Variants in ANKRD30B observed in about 807,000 individuals in gnomAD.
The protein encoded by ANKRD30B is ankyrin repeat domain 30B, also known as ankyrin repeat domain-containing protein 30B.
ANKRD30B carries 144 observed loss-of-function variants against 202.2 expected under a neutral mutation model. The observed-to-expected ratio is 0.71, with a 90% confidence interval of 0.62 to 0.82. ANKRD30B has a LOEUF of 0.82. Among genes scored for constraint, ANKRD30B ranks in the 40% least tolerant of loss-of-function variants. ANKRD30B has a pLI of 0.00. For synonymous variants in ANKRD30B, 508 were observed against 561.3 expected, an observed-to-expected ratio of 0.91 and a Z score of 1.34; for missense variants, 1,487 against 1,669.1, an observed-to-expected ratio of 0.89 and a Z score of 1.90.
chr18:14,787,564 T>A (rs1440960531), intron 15 of ANKRD30B, among the ~76,000 whole-genome samples: 1 of 152,186 alleles, frequency 6.6e-6, no homozygotes, highest in African/African-American at 2.4e-5. Context: ...CATATCTTTA[T>A]TGTTCAGTAT....
intron 33 of ANKRD30B, among the ~76,000 whole-genome samples, chr18:14,829,058 C>A (rs1649997951): frequency 6.6e-6 from 1 of 152,006 alleles, no homozygotes; most frequent in Non-Finnish European, 1.5e-5. Flanking sequence ...AGAGTCTTTT[C>A]TCTTCTTTCA....
chr18:14,764,938 G>C (rs531161715), intron 7 of ANKRD30B, among the ~76,000 whole-genome samples: 1 of 152,240 alleles, frequency 6.6e-6, no homozygotes, highest in East Asian at 1.9e-4. Context: ...TTCTATTTTT[G>C]AGATGGAATG....
chr18:14,761,707 T>C (rs1455094838), intron 6 of ANKRD30B, among the ~76,000 whole-genome samples: 1 of 152,108 alleles, frequency 6.6e-6, no homozygotes, highest in Non-Finnish European at 1.5e-5. Context: ...TGAAGAAACA[T>C]GGTTTTATTT....
rs1968144041 is a variant in ANKRD30B at position 14,787,163 on chromosome 18, A to T, written c.1734+63A>T. The T allele has an allele frequency of 2.8e-6, 4 of 1,440,142 alleles. No homozygotes were observed. In the South Asian group the frequency reaches 3.7e-5, roughly 13 times the overall value. The allele number at this position is 1,440,142 out of a possible 1,614,324, so 89.2% of individuals were successfully genotyped here. On this transcript the variant is annotated intron_variant, in intron 15 of 43. Coordinates refer to ENST00000690538, the MANE Select transcript of ANKRD30B (RefSeq NM_001367607.2). The stretch of plus-strand genomic sequence containing the variant: ...GCATGAGATGAAAACATAAAATCAG[A>T]TGCTTAGACTTTATTTTCTCACCTC...
chr18:14,797,503 A>G (rs551312784), intron 18 of ANKRD30B, among the ~76,000 whole-genome samples, 158 bp from the exon 19 acceptor site: 1 of 152,284 alleles, frequency 6.6e-6, no homozygotes, highest in Admixed American at 6.5e-5. Flanking sequence ...TACAGTTGGC[A>G]TGTTAACAAA....
the ANKRD30B span, among the ~76,000 whole-genome samples, chr18:14,859,918 A>C: frequency 3.7e-4 from 29 of 79,224 alleles, no homozygotes; most frequent in Middle Eastern, 0.011. Context: ...CTCCTCACCT[A>C]CCAGATGATG....
At chr18:14,821,415 G>A (rs1290565981) in intron 30 of ANKRD30B, among the ~76,000 whole-genome samples, 1 of 151,986 alleles carries the variant, frequency 6.6e-6, no homozygotes, top group Non-Finnish European at 1.5e-5. Flanking sequence ...GCTTTTGAAT[G>A]TGTTTGTTCT....
At chr18:14,849,963 T>C (rs1971813886) in intron 40 of ANKRD30B, among the ~76,000 whole-genome samples, 1 of 151,658 alleles carries the variant, frequency 6.6e-6, no homozygotes. Flanking sequence ...TTCTTTTCCA[T>C]AACAGTTGTC....
At chr18:14,815,847 G>A (rs910194733) in intron 30 of ANKRD30B, among the ~76,000 whole-genome samples, 2 of 152,108 alleles carry the variant, frequency 1.3e-5, no homozygotes, top group African/African-American at 4.8e-5. Context: ...CTCCATGAGT[G>A]GATCAAGGAA....
rs1967835605 is a variant in ANKRD30B, at chr18:14,782,755, G to C, written c.1570+141G>C. 6 of 518,214 alleles carry C rather than the reference G, an allele frequency of 1.2e-5. No individual in the cohort carries two copies. In the Admixed American group the frequency reaches 1.6e-4, roughly 14 times the overall value. The allele number at this position is 518,214 out of a possible 1,614,324, so 32.1% of individuals were successfully genotyped here. Reference sequence around the variant, plus strand: ...AGAGAGGAGTAAAATGATAAGTTATGTATCTTTTCAGGTGTTGGCAACAGG... The same window carrying C: ...AGAGAGGAGTAAAATGATAAGTTATCTATCTTTTCAGGTGTTGGCAACAGG... On this transcript the variant is annotated intron_variant, in intron 12 of 43. Transcript: ENST00000690538.
chr18:14,770,100 A>AT (rs1966899051), intron 8 of ANKRD30B, among the ~76,000 whole-genome samples: 2 of 151,138 alleles, frequency 1.3e-5, no homozygotes, highest in Non-Finnish European at 3.0e-5. Flanking sequence ...GGCATTTTTC[A>AT]TTTTTTTTCT....
chr18:14,927,394 C>T, the ANKRD30B span, among the ~76,000 whole-genome samples: 1 of 152,144 alleles, frequency 6.6e-6, no homozygotes, highest in Non-Finnish European at 1.5e-5. Context: ...TTTCAAAATT[C>T]AGAATGATGG....
At chr18:14,873,022 T>C in the ANKRD30B span, among the ~76,000 whole-genome samples, 8 of 151,970 alleles carry the variant, frequency 5.3e-5, no homozygotes, top group Non-Finnish European at 8.8e-5. Context: ...ACCACCAGAA[T>C]ATATAATTGA....
the ANKRD30B span, among the ~76,000 whole-genome samples, chr18:14,866,491 G>T: frequency 6.6e-6 from 1 of 152,140 alleles, no homozygotes; most frequent in Non-Finnish European, 1.5e-5. Flanking sequence ...GGCAGCTGGA[G>T]CTGCTCTTGA....
At chr18:14,863,650 G>C in the ANKRD30B span, among the ~76,000 whole-genome samples, 1 of 152,078 alleles carries the variant, frequency 6.6e-6, no homozygotes, top group South Asian at 2.1e-4. Flanking sequence ...CCCAGGACTA[G>C]ATGAATTCAC....
intron 37 of ANKRD30B, among the ~76,000 whole-genome samples, chr18:14,841,822 C>T (rs931203824): frequency 5.3e-5 from 8 of 152,112 alleles, no homozygotes; most frequent in South Asian, 2.1e-4. Context: ...CAGAGACTAC[C>T]GGAAGCGGGA....
chr18:14,873,991 A>T, the ANKRD30B span, among the ~76,000 whole-genome samples: 3 of 152,174 alleles, frequency 2.0e-5, no homozygotes, highest in Non-Finnish European at 4.4e-5. Flanking sequence ...GGTGGCTGAG[A>T]ACATGAGCCC....
chr18:14,758,152 A>C (rs1057397056), intron 5 of ANKRD30B, among the ~76,000 whole-genome samples, 200 bp downstream of exon 5: 5 of 152,196 alleles, frequency 3.3e-5, no homozygotes, highest in African/African-American at 1.2e-4. Flanking sequence ...TGACTGCTTG[A>C]TTTGAAGTAT....
rs144142749 is a variant in ANKRD30B at position 14,797,028 on chromosome 18, C to G, written c.1927+613C>G. On this transcript the variant is annotated intron_variant, in intron 18 of 43. Coordinates refer to ENST00000690538, the MANE Select transcript of ANKRD30B (RefSeq NM_001367607.2). ...AACCTATGATTAGCAAGATATTAAT[C>G]AGCAGTAACAGTTGCAGCAAAAGCT... Among the ~76,000 whole-genome samples the G allele has an allele frequency of 3.4e-3, 516 of 152,230 alleles. 4 individuals carry two copies. The highest frequency in any genetic ancestry group is 0.011 in the African/African-American group (466 of 41,538).
Sources: allele counts gnomAD v4.1 joint callset (sites outside exome capture counted in the v4.1 genomes callset), GRCh38; gene constraint gnomAD v4.1.1; transcripts MANE v1.5; gene names NCBI Gene and HGNC (gene_info 2026-07-23, HGNC 2026-07-21).